Variants in RCBTB2 observed in about 807,000 individuals in gnomAD.
RCBTB2 encodes the protein RCC1 and BTB domain-containing protein 2.
RCBTB2 carries 55 observed loss-of-function variants against 65.4 expected under a neutral mutation model. The ratio of observed to expected loss-of-function variants is 0.84; its 90% confidence interval spans 0.68 to 1.05. The LOEUF is 1.05. Ranked by LOEUF, RCBTB2 falls within the 50% of genes least tolerant of loss-of-function variation. RCBTB2 has a pLI of 0.00. For missense variants in RCBTB2, 599 were observed against 680.1 expected, an observed-to-expected ratio of 0.88 and a Z score of 1.33; for synonymous variants, 220 against 255.2, an observed-to-expected ratio of 0.86 and a Z score of 1.31.
intron 4 of RCBTB2, among the ~76,000 whole-genome samples, chr13:48,521,359 G>A (rs1380304630): frequency 6.6e-6 from 1 of 152,200 alleles, no homozygotes; most frequent in Non-Finnish European, 1.5e-5. Flanking sequence ...GCAATAAGCA[G>A]ATATTATGTA....
rs188281637 is a variant in RCBTB2 at position 48,492,729 on chromosome 13, T to C, written c.1516-2478A>G. 1.6e-3 allele frequency among the ~76,000 whole-genome samples: 251 copies of C among 152,302 alleles called. 1 individual carries two copies. Among genetic ancestry groups the C allele is most frequent in the Admixed American group, 3.4e-3 (52 of 15,300 alleles). ...AGGAAACGGTCTGCTGGTTTCTCTC[T>C]TCCGTTACTGCTCACTCCTCTTCAG... On this transcript the variant is annotated intron_variant, in intron 14 of 14. Transcript: ENST00000344532.
chr13:48,496,146 T>C, intron 14 of RCBTB2, 45 bp downstream of exon 14: 1 of 1,412,166 alleles, frequency 7.1e-7, no homozygotes, highest in South Asian at 1.7e-5. Context: ...ACACCTGGGT[T>C]CCATTTCTCC....
At chr13:48,528,148 T>C (rs975548447) in intron 1 of RCBTB2, among the ~76,000 whole-genome samples, 4 of 152,190 alleles carry the variant, frequency 2.6e-5, no homozygotes, top group African/African-American at 7.2e-5. Flanking sequence ...CAGAATAACG[T>C]AGAGCAAAAC....
intron 13 of RCBTB2, 150 bp from the exon 14 acceptor site, chr13:48,496,471 C>T (rs1949976360): frequency 2.8e-6 from 2 of 704,400 alleles, no homozygotes; most frequent in Admixed American, 3.4e-5. Context: ...GACACTTACA[C>T]TTCAGTGTGG....
rs761397314 is a variant in RCBTB2 at position 48,510,757 on chromosome 13, G to A, written c.798C>T (p.Tyr266=). 11 of 1,611,580 alleles carry A rather than the reference G, an allele frequency of 6.8e-6. No homozygotes were observed. Among genetic ancestry groups the A allele is most frequent in the Admixed American group, 5.0e-5 (3 of 59,946 alleles). ...CATCTGTTAATACTAATGTGTGTGC[G>A]TAGCCACAGGCGACCTGGAAGGAAA... ...GIRVQRVACG[Y]AHTLVLTDEG... is the part of the protein sequence containing the mutation. The change falls in exon 10 of 15, where the codon TAC becomes TAT. Residue 266 remains tyrosine (Y), a synonymous_variant. Transcript: ENST00000344532.
At chr13:48,507,549 G>A (rs948309985) in intron 10 of RCBTB2, among the ~76,000 whole-genome samples, 2 of 152,228 alleles carry the variant, frequency 1.3e-5, no homozygotes, top group Non-Finnish European at 2.9e-5. Flanking sequence ...AACAACTGCT[G>A]AGCTTATTGG....
chr13:48,504,631 G>A (rs1950400460), intron 10 of RCBTB2, among the ~76,000 whole-genome samples: 1 of 152,182 alleles, frequency 6.6e-6, no homozygotes, highest in Non-Finnish European at 1.5e-5. Context: ...ACCAGTTTCT[G>A]GCAGGCCTAA....
chr13:48,498,723 T>C (rs913606061), intron 13 of RCBTB2, among the ~76,000 whole-genome samples: 4 of 146,264 alleles, frequency 2.7e-5, no homozygotes, highest in African/African-American at 1.1e-4. Context: ...AGAGTGAAAC[T>C]CTGTCTCAAA....
At chr13:48,503,105 C>T (rs1358270893) in intron 10 of RCBTB2, among the ~76,000 whole-genome samples, 191 bp from the exon 11 acceptor site, 1 of 152,178 alleles carries the variant, frequency 6.6e-6, no homozygotes, top group Admixed American at 6.5e-5. Context: ...AGGCACCAAA[C>T]CGTTATTTAC....
chr13:48,500,386 C>G (rs1950180311), intron 12 of RCBTB2, among the ~76,000 whole-genome samples: 1 of 152,098 alleles, frequency 6.6e-6, no homozygotes, highest in African/African-American at 2.4e-5. Flanking sequence ...GGTGAAACCC[C>G]ATCTCTACTA....
intron 11 of RCBTB2, among the ~76,000 whole-genome samples, chr13:48,502,502 A>G (rs745771434): frequency 1.3e-5 from 2 of 152,182 alleles, no homozygotes; most frequent in African/African-American, 2.4e-5. Flanking sequence ...TTCTCTCTTA[A>G]AGAAAAAAAA....
intron 4 of RCBTB2, among the ~76,000 whole-genome samples, chr13:48,520,135 T>C (rs1202693321): frequency 6.6e-6 from 1 of 152,150 alleles, no homozygotes; most frequent in Non-Finnish European, 1.5e-5. Context: ...ACTCTACCTG[T>C]GTCAGTCTCA....
At chr13:48,499,444 C>G (rs1429378908) in intron 13 of RCBTB2, among the ~76,000 whole-genome samples, 177 bp downstream of exon 13, 2 of 152,212 alleles carry the variant, frequency 1.3e-5, no homozygotes, top group Non-Finnish European at 2.9e-5. Context: ...TCTCTCTTAT[C>G]TGTCCAGTCA....
chr13:48,510,191 T>A (rs1365014565), intron 10 of RCBTB2, among the ~76,000 whole-genome samples: 4 of 152,218 alleles, frequency 2.6e-5, no homozygotes, highest in African/African-American at 9.7e-5. Flanking sequence ...CCTATCCTTC[T>A]CAACTGGCAA....
intron 1 of RCBTB2, among the ~76,000 whole-genome samples, chr13:48,527,524 T>G (rs1444811568): frequency 6.6e-6 from 1 of 151,820 alleles, no homozygotes; most frequent in African/African-American, 2.4e-5. Flanking sequence ...AAATAGAAAA[T>G]GGAATGATAA....
intron 9 of RCBTB2, among the ~76,000 whole-genome samples, chr13:48,511,224 T>C (rs1222592433): frequency 6.6e-6 from 1 of 152,200 alleles, no homozygotes; most frequent in African/African-American, 2.4e-5. Flanking sequence ...GACCATGTTG[T>C]ATAAGCAGTT....
rs144508754 is a variant in RCBTB2, at chr13:48,532,101, A to T, written c.-219+927T>A. 935 of 152,366 alleles carry T rather than the reference A, an allele frequency of 6.1e-3. 11 individuals carry two copies. The highest frequency in any genetic ancestry group is 0.022 in the African/African-American group (896 of 41,584). The allele number at this position is 152,366 out of a possible 1,614,324, so 9.4% of individuals were successfully genotyped here. ...AGCTCCATGAAATGCGTTTTGTTATAGTCCTGGTCTCGAACTGTTGCAACA... is the reference window on the plus strand; with the variant it reads ...AGCTCCATGAAATGCGTTTTGTTATTGTCCTGGTCTCGAACTGTTGCAACA... On this transcript the variant is annotated intron_variant, in intron 1 of 14. Transcript: ENST00000344532.
At chr13:48,525,186 T>C (rs887995860) in intron 1 of RCBTB2, among the ~76,000 whole-genome samples, 1 of 151,194 alleles carries the variant, frequency 6.6e-6, no homozygotes. Context: ...CAGGAAAGCA[T>C]AAAACACAAA....
At chr13:48,522,020 G>A in intron 3 of RCBTB2, 58 bp from the exon 4 acceptor site, 3 of 1,433,526 alleles carry the variant, frequency 2.1e-6, no homozygotes, top group South Asian at 1.2e-5. Context: ...AACCAGGCAG[G>A]TTAAAATTAC....
Sources: gnomAD v4.1 joint callset for allele counts (sites outside exome capture counted in the v4.1 genomes callset) on GRCh38, gnomAD v4.1.1 for gene constraint, MANE v1.5 for transcripts, NCBI Gene and HGNC (gene_info 2026-07-23, HGNC 2026-07-21) for gene names.